The following LRP1B variants were observed in gnomAD, a reference collection of about 807,000 sequenced individuals.
The protein encoded by LRP1B is LDL receptor related protein 1B.
A neutral mutation model predicts 556.6 loss-of-function variants in LRP1B; 217 were observed. The observed-to-expected ratio is 0.39, with a 90% CI of 0.35 to 0.44. The LOEUF is 0.44. LRP1B is among the 20% of genes least tolerant of loss of function. LRP1B has a pLI of 1.00. For missense variants in LRP1B, 5,053 were observed against 5,620.8 expected (o/e 0.90, Z 3.23); for synonymous variants, 2,047 against 1,865.8 (o/e 1.10, Z -2.50).
chr2:141,303,335 A>G (rs1228413437), intron 3 of LRP1B, among the ~76,000 whole-genome samples: 1 of 152,062 alleles, frequency 6.6e-6, no homozygotes, highest in Non-Finnish European at 1.5e-5. Context: ...ACATTGTTGT[A>G]AACTGTATTC....
At chr2:140,344,568 T>C (rs552587277) in intron 77 of LRP1B, among the ~76,000 whole-genome samples, 84 of 151,872 alleles carry the variant, frequency 5.5e-4, no homozygotes, top group Non-Finnish European at 1.0e-3. Flanking sequence ...CAACAACTAA[T>C]GACTCCAAGA....
chr2:141,827,748 C>A (rs1364703940), intron 1 of LRP1B, among the ~76,000 whole-genome samples: 1 of 151,734 alleles, frequency 6.6e-6, no homozygotes, highest in Admixed American at 6.6e-5. Flanking sequence ...TTTGGCATAT[C>A]CTAAAGATAG....
At chr2:140,384,093 T>C (rs1037770012) in intron 67 of LRP1B, among the ~76,000 whole-genome samples, 12 of 152,142 alleles carry the variant, frequency 7.9e-5, no homozygotes, top group African/African-American at 2.4e-4. Flanking sequence ...TTTCCTATTA[T>C]AGCAGTAGGC....
chr2:140,480,460 C>CT (rs546418336), intron 59 of LRP1B, among the ~76,000 whole-genome samples: 75 of 150,136 alleles, frequency 5.0e-4, no homozygotes, highest in Non-Finnish European at 9.1e-4. Flanking sequence ...TCCTAACAGA[C>CT]TTTTTTTTTT....
intron 43 of LRP1B, among the ~76,000 whole-genome samples, chr2:140,557,983 C>T (rs1680794407): frequency 6.6e-6 from 1 of 152,150 alleles, no homozygotes; most frequent in Non-Finnish European, 1.5e-5. Context: ...TCACCTGATG[C>T]ATATTAGGCG....
chr2:140,776,741 G>A (rs984155387), intron 32 of LRP1B, among the ~76,000 whole-genome samples: 1 of 151,568 alleles, frequency 6.6e-6, no homozygotes, highest in Non-Finnish European at 1.5e-5. Flanking sequence ...CTCCATTACC[G>A]GTCTCTTCAC....
chr2:140,683,770 CA>C, intron 41 of LRP1B: 1 of 963,594 alleles, frequency 1.0e-6, no homozygotes, highest in Non-Finnish European at 1.6e-6. Context: ...TCTCTCCTGA[CA>C]GGAGTGGTCA....
chr2:141,557,450 G>T (rs562791327), intron 2 of LRP1B, among the ~76,000 whole-genome samples: 1 of 151,912 alleles, frequency 6.6e-6, no homozygotes, highest in Admixed American at 6.6e-5. Flanking sequence ...GTGAATAACC[G>T]CAGAGAGAAA....
chr2:141,615,994 A>C (rs998747619), intron 2 of LRP1B, among the ~76,000 whole-genome samples: 5 of 152,182 alleles, frequency 3.3e-5, no homozygotes, highest in African/African-American at 1.2e-4. Flanking sequence ...CGTTGTAAAA[A>C]AAATGCTGGC....
intron 3 of LRP1B, among the ~76,000 whole-genome samples, chr2:141,381,424 A>G (rs1054063027): frequency 4.6e-5 from 7 of 152,030 alleles, no homozygotes; most frequent in African/African-American, 1.7e-4. Context: ...CGAGATGGCA[A>G]TGTAAGCATT....
At chr2:141,180,638 G>A (rs987998013) in intron 7 of LRP1B, among the ~76,000 whole-genome samples, 1 of 151,812 alleles carries the variant, frequency 6.6e-6, no homozygotes, top group African/African-American at 2.4e-5. Context: ...AGGGATATGA[G>A]TGTGTTATCC....
At chr2:141,516,485 T>C (rs566226736) in intron 2 of LRP1B, among the ~76,000 whole-genome samples, 213 of 152,234 alleles carry the variant, frequency 1.4e-3, no homozygotes, top group African/African-American at 4.9e-3. Flanking sequence ...CTACCTTTTG[T>C]TGAGAAAATG....
chr2:141,934,856 C>A (rs534320697), intron 1 of LRP1B, among the ~76,000 whole-genome samples: 1 of 152,178 alleles, frequency 6.6e-6, no homozygotes, highest in Non-Finnish European at 1.5e-5. Context: ...AAACTTCTTT[C>A]CTTTATAAGT....
chr2:140,510,072 A>G lies in LRP1B; in HGVS notation c.8270-16T>C, dbSNP rs1451124385. 6 of 1,612,432 alleles carry G rather than the reference A, an allele frequency of 3.7e-6. No homozygotes were observed. The highest frequency in any genetic ancestry group is 5.1e-6 in the Non-Finnish European group (6 of 1,179,464). On this transcript the variant is annotated splice_polypyrimidine_tract_variant and intron_variant, in intron 51 of 90. Transcript: ENST00000389484. ...GTTATGGCACCTGAAACACAAAAAC[A>G]TAATGCCATTAAGATTACTCTGTGT... is the stretch of plus-strand genomic sequence containing the variant.
At chr2:142,036,658 C>CA (rs1703892931) in intron 1 of LRP1B, among the ~76,000 whole-genome samples, 2 of 151,480 alleles carry the variant, frequency 1.3e-5, no homozygotes, top group South Asian at 2.1e-4. Context: ...ATTTTTTTGA[C>CA]AAAAATAATA....
intron 18 of LRP1B, among the ~76,000 whole-genome samples, chr2:140,957,846 C>CT (rs1354912960): frequency 2.0e-5 from 3 of 151,174 alleles, no homozygotes; most frequent in African/African-American, 4.8e-5. Flanking sequence ...AGTCTAAACT[C>CT]TAAGTACAAG....
At chr2:140,680,803 G>A (rs185113598) in intron 41 of LRP1B, among the ~76,000 whole-genome samples, 102 of 152,254 alleles carry the variant, frequency 6.7e-4, no homozygotes, top group Admixed American at 1.1e-3. Flanking sequence ...AAATGAGTAA[G>A]ACGAACCTCT....
chr2:140,764,652 G>A (rs1689039605), intron 35 of LRP1B, among the ~76,000 whole-genome samples: 2 of 152,114 alleles, frequency 1.3e-5, no homozygotes, highest in South Asian at 4.1e-4. Flanking sequence ...TAGAGTTCTA[G>A]GTTCACAGCA....
intron 25 of LRP1B, among the ~76,000 whole-genome samples, chr2:140,872,084 T>A (rs57078176): frequency 0.045 from 386 of 8,518 alleles, 2 homozygotes; most frequent in African/African-American, 0.085. Flanking sequence ...GACCTTGTAT[T>A]TTTTTTTTTT....
Sources: gnomAD v4.1 joint callset for allele counts (sites outside exome capture counted in the v4.1 genomes callset) on GRCh38, gnomAD v4.1.1 for gene constraint, MANE v1.5 for transcripts, NCBI Gene and HGNC (gene_info 2026-07-23, HGNC 2026-07-21) for gene names.